Variants in TTC39B observed in about 807,000 individuals in gnomAD.
TTC39B encodes the protein tetratricopeptide repeat protein 39B.
In TTC39B, 92 loss-of-function variants were observed where a neutral mutation model predicts 96.6. The observed-to-expected ratio is 0.95, with a 90% CI of 0.80 to 1.13. The LOEUF (loss-of-function observed/expected upper bound fraction) is 1.13. TTC39B is among the 50% of genes most tolerant of loss of function. The probability of loss-of-function intolerance (pLI) is 0.00; values close to 1 mark genes in which losing one functional copy is unlikely to be tolerated. For synonymous variants in TTC39B, 367 were observed against 299.4 expected (o/e 1.23, Z -2.33); for missense variants, 955 against 809.3 (o/e 1.18, Z -2.18).
chr9:15,177,670 T>C (rs370436765), intron 18 of TTC39B, 27 bp downstream of exon 18: 38 of 1,501,916 alleles, frequency 2.5e-5, no homozygotes, highest in Non-Finnish European at 3.4e-5. Context: ...AATTTGCACT[T>C]GGGCTGGTTT....
At chr9:15,293,310 A>C (rs977197568) in intron 1 of TTC39B, among the ~76,000 whole-genome samples, 2 of 152,228 alleles carry the variant, frequency 1.3e-5, no homozygotes, top group Non-Finnish European at 2.9e-5. Context: ...ACATTGCCTC[A>C]TAACACATTT....
chr9:15,270,426 C>T (rs909169073), intron 1 of TTC39B, among the ~76,000 whole-genome samples: 1 of 151,950 alleles, frequency 6.6e-6, no homozygotes, highest in Admixed American at 6.6e-5. Flanking sequence ...CAATAGGGTA[C>T]ATGGACAGCC....
chr9:15,165,856 C>T (rs1426398073), exon 20 of TTC39B: 2 of 152,212 alleles, frequency 1.3e-5, no homozygotes, highest in African/African-American at 4.8e-5. Context: ...TGGGTAGAGA[C>T]ACAACCAAAC....
chr9:15,277,773 A>C (rs917443564), intron 1 of TTC39B, among the ~76,000 whole-genome samples: 8 of 152,356 alleles, frequency 5.3e-5, no homozygotes, highest in African/African-American at 1.9e-4. Context: ...TAAAATGTTC[A>C]TTCATCCAAG....
At chr9:15,298,244 C>G (rs923224277) in intron 1 of TTC39B, among the ~76,000 whole-genome samples, 1 of 152,176 alleles carries the variant, frequency 6.6e-6, no homozygotes, top group Non-Finnish European at 1.5e-5. Flanking sequence ...ATACCATCAG[C>G]TTCCATGGTT....
At chr9:15,216,008 C>T (rs989102221) in intron 3 of TTC39B, among the ~76,000 whole-genome samples, 2 of 152,196 alleles carry the variant, frequency 1.3e-5, no homozygotes, top group Non-Finnish European at 2.9e-5. Flanking sequence ...ACTCTTCTAG[C>T]ACGAATAGGT....
intron 3 of TTC39B, 30 bp downstream of exon 3, chr9:15,225,887 C>A (rs771670425): frequency 6.3e-7 from 1 of 1,597,458 alleles, no homozygotes; most frequent in South Asian, 1.1e-5. Flanking sequence ...CTCCCCTCTT[C>A]CCCCAGGAAT....
At chr9:15,204,758 G>T (rs569819688) in intron 6 of TTC39B, among the ~76,000 whole-genome samples, 1 of 152,072 alleles carries the variant, frequency 6.6e-6, no homozygotes. Flanking sequence ...TATAGAAAGA[G>T]GTAGCACTAC....
At chr9:15,275,582 C>T (rs1013367091) in intron 1 of TTC39B, among the ~76,000 whole-genome samples, 6 of 152,162 alleles carry the variant, frequency 3.9e-5, no homozygotes, top group Admixed American at 1.3e-4. Flanking sequence ...TTAAGGAAGT[C>T]TTCTGGGAGA....
chr9:15,251,696 T>C (rs867692397), intron 2 of TTC39B, among the ~76,000 whole-genome samples: 964 of 78,842 alleles, frequency 0.012, 3 homozygotes, highest in South Asian at 0.034. Flanking sequence ...CACACATACA[T>C]ATACATATAT....
intron 8 of TTC39B, among the ~76,000 whole-genome samples, 200 bp downstream of exon 8, chr9:15,199,661 A>G (rs1003125035): frequency 8.1e-5 from 11 of 135,154 alleles, no homozygotes; most frequent in South Asian, 7.9e-4. Context: ...CGTGAACCTG[A>G]GAGGCGGAGC....
chr9:15,236,414 T>G (rs113495297), intron 2 of TTC39B, among the ~76,000 whole-genome samples: 8,957 of 152,204 alleles, frequency 0.059, 331 homozygotes, highest in South Asian at 0.071. Flanking sequence ...AGACAGATCA[T>G]CGAGGCAGAA....
chr9:15,195,142 T>C (rs1036431345), intron 8 of TTC39B, among the ~76,000 whole-genome samples: 3 of 152,086 alleles, frequency 2.0e-5, no homozygotes, highest in African/African-American at 7.2e-5. Context: ...GCTACTTCAG[T>C]GAATGCACAA....
At chr9:15,260,062 T>C (rs184190444) in intron 2 of TTC39B, among the ~76,000 whole-genome samples, 16 of 152,236 alleles carry the variant, frequency 1.1e-4, no homozygotes, top group African/African-American at 2.9e-4. Flanking sequence ...TTAAATTGTA[T>C]AATTAAAATA....
intron 3 of TTC39B, among the ~76,000 whole-genome samples, chr9:15,216,235 G>T (rs1362393303): frequency 6.6e-6 from 1 of 152,164 alleles, no homozygotes; most frequent in Non-Finnish European, 1.5e-5. Context: ...ATAAATGCAA[G>T]GAGGTTGTTT....
At chr9:15,285,169 TGAGGCAGGAGAATGGCGTGAACCCGG>T (rs1823916662) in intron 1 of TTC39B, among the ~76,000 whole-genome samples, 5 of 151,300 alleles carry the variant, frequency 3.3e-5, no homozygotes, top group Admixed American at 3.3e-4. Flanking sequence ...GGGCGGGGGC[TGAGGCAGGAGAATGGCGTGAACCCGG>T]GAGGCGGAGT....
At chr9:15,167,743 ACT>A (rs1817555411) in exon 20 of TTC39B, 2 of 152,244 alleles carry the variant, frequency 1.3e-5, no homozygotes, top group Admixed American at 6.5e-5. Context: ...CAAGAGCGAA[ACT>A]CTGTCTCAAA....
intron 2 of TTC39B, among the ~76,000 whole-genome samples, chr9:15,233,939 C>G (rs1172791452): frequency 2.6e-5 from 4 of 151,738 alleles, no homozygotes; most frequent in Non-Finnish European, 5.9e-5. Context: ...GCCATCCCAT[C>G]TAGGAAGTGA....
exon 20 of TTC39B, chr9:15,168,413 T>G (rs1374451277): frequency 4.4e-5 from 1 of 22,480 alleles, no homozygotes; most frequent in African/African-American, 2.6e-4. Flanking sequence ...ATGCAGAGTA[T>G]AAATACAAAA....
Sources: allele counts gnomAD v4.1 joint callset (sites outside exome capture counted in the v4.1 genomes callset), GRCh38; gene constraint gnomAD v4.1.1; transcripts MANE v1.5; gene names NCBI Gene and HGNC (gene_info 2026-07-23, HGNC 2026-07-21).